CUL3: variants seen among roughly 807,000 people sequenced by gnomAD.
CUL3 encodes cullin-3.
CUL3 carries 19 observed loss-of-function variants against 89.1 expected under a neutral mutation model. The ratio of observed to expected loss-of-function variants is 0.21; its 90% CI spans 0.15 to 0.31. The LOEUF (loss-of-function observed/expected upper bound fraction) is 0.31, where lower values mean the gene tolerates loss of function less well. Among genes scored for constraint, CUL3 ranks in the 10% least tolerant of loss-of-function variants. CUL3 has a pLI of 1.00. For synonymous variants in CUL3, 351 were observed against 308.4 expected (o/e 1.14, Z -1.45); for missense variants, 469 against 942.3 (o/e 0.50, Z 6.58).
rs1691086047 is a variant in CUL3 at position 224,470,458 on chromosome 2, CGTA to C, written c.*3784_*3786del. 3 of 230,004 alleles carry C rather than the reference CGTA, an allele frequency of 1.3e-5. No homozygotes were observed. The South Asian group carries it at 5.4e-4, about 42-fold the overall frequency. 14.2% of individuals were successfully genotyped at this position (230,004 alleles called of 1,614,324 possible). A position where few individuals can be genotyped will look rare whatever the true frequency, so the allele number is the denominator to read the frequency against. ...TAGTTGTTTTTCTCCTGAGAGCTGG[CGTA>C]ATGGCCAATCTCTGTATCATTACCT... is the stretch of plus-strand genomic sequence containing the variant. On this transcript the variant is annotated 3_prime_UTR_variant, in exon 16 of 16. Transcript: ENST00000264414.
Position 224,513,650 on chromosome 2 carries a change from A to C in CUL3, c.540-12T>G. On this transcript the variant is annotated splice_polypyrimidine_tract_variant and intron_variant, in intron 4 of 15. Coordinates refer to ENST00000264414, the MANE Select transcript of CUL3 (RefSeq NM_003590.5). ...TTCTTATTGCGCCTCTGTCGAAAAA[A>C]GTTATTATCACTTGATAATTAAATT... The C allele has an allele frequency of 6.6e-7, 1 of 1,512,938 alleles. No individual in the cohort carries two copies. The highest frequency in any genetic ancestry group is 8.9e-7 in the Non-Finnish European group (1 of 1,120,226). The allele number at this position is 1,512,938 out of a possible 1,614,324, so 93.7% of individuals were successfully genotyped here.
At chr2:224,516,849 G>A (rs12991137) in intron 3 of CUL3, among the ~76,000 whole-genome samples, 27,831 of 151,532 alleles carry the variant, frequency 0.18, 2,869 homozygotes, top group South Asian at 0.27. Flanking sequence ...GTTTCACCAT[G>A]TGGGCCAGGA....
intron 2 of CUL3, among the ~76,000 whole-genome samples, 162 bp downstream of exon 2, chr2:224,557,497 G>T (rs1694749243): frequency 7.0e-6 from 1 of 143,130 alleles, no homozygotes; most frequent in African/African-American, 2.6e-5. Context: ...CGATTTAGCT[G>T]ATTATAAATT....
intron 1 of CUL3, among the ~76,000 whole-genome samples, chr2:224,558,122 T>C (rs1694781494): frequency 6.6e-6 from 1 of 152,146 alleles, no homozygotes. Context: ...CTCTTCACTT[T>C]AAATAAAATC....
intron 2 of CUL3, chr2:224,556,193 G>A (rs1450016724): frequency 1.3e-5 from 2 of 152,102 alleles, no homozygotes; most frequent in Admixed American, 6.5e-5. Context: ...ATCAATGGAT[G>A]CTAAAACCAT....
At chr2:224,527,405 C>T (rs1693520703) in intron 3 of CUL3, among the ~76,000 whole-genome samples, 1 of 152,136 alleles carries the variant, frequency 6.6e-6, no homozygotes, top group Non-Finnish European at 1.5e-5. Context: ...TATCTTCTGG[C>T]CTCCAAAAAG....
intron 3 of CUL3, among the ~76,000 whole-genome samples, chr2:224,529,939 T>TA (rs1283864229): frequency 6.6e-6 from 1 of 152,138 alleles, no homozygotes. Context: ...ACCTCCTTGT[T>TA]AAGAGTAAAA....
chr2:224,572,733 A>G (rs1695210576), intron 1 of CUL3, among the ~76,000 whole-genome samples: 1 of 151,798 alleles, frequency 6.6e-6, no homozygotes. Flanking sequence ...AAGGAGGCTG[A>G]CAGAGAGTTT....
chr2:224,585,023 TC>T lies in CUL3; in HGVS notation c.-15del. On this transcript the variant is annotated 5_prime_UTR_variant, in exon 1 of 16. Transcript: ENST00000264414. ...CAGATTCGACATGGTGCTCGTCCCCTCCCCGGCGGCGGCTTCAGGTCGCGCT... is the reference window on the plus strand; with the variant it reads ...CAGATTCGACATGGTGCTCGTCCCCTCCCGGCGGCGGCTTCAGGTCGCGCT... 4 of 1,489,890 alleles carry T rather than the reference TC, an allele frequency of 2.7e-6. No homozygotes were observed. Among genetic ancestry groups the T allele is most frequent in the Admixed American group, 1.9e-5 (1 of 51,820 alleles). 92.3% of individuals were successfully genotyped at this position (1,489,890 alleles called of 1,614,324 possible). A position where few individuals can be genotyped will look rare whatever the true frequency, so the allele number is the denominator to read the frequency against.
rs567732119 is a variant in CUL3 at position 224,470,397 on chromosome 2, A to T, written c.*3848T>A. ...TAAATGACACGCTTACAAATTTGCCATTTCTAAAATTAAATGCACGGGTTT... is the reference window on the plus strand; with the variant it reads ...TAAATGACACGCTTACAAATTTGCCTTTTCTAAAATTAAATGCACGGGTTT... On this transcript the variant is annotated 3_prime_UTR_variant, in exon 16 of 16. Transcript: ENST00000264414. The T allele has an allele frequency of 2.7e-4, 62 of 229,830 alleles. No individual in the cohort carries two copies. The highest frequency in any genetic ancestry group is 1.2e-3 in the African/African-American group (55 of 45,260). The allele number at this position is 229,830 out of a possible 1,614,324, so 14.2% of individuals were successfully genotyped here.
intron 15 of CUL3, chr2:224,474,623 C>G (rs1691250597): frequency 2.5e-6 from 1 of 403,166 alleles, no homozygotes; most frequent in Non-Finnish European, 4.5e-6. Context: ...GTTGGAATTA[C>G]AGTAGTGTGA....
chr2:224,509,580 AG>A (rs542651794), intron 6 of CUL3, among the ~76,000 whole-genome samples: 80 of 152,322 alleles, frequency 5.3e-4, no homozygotes, highest in African/African-American at 1.8e-3. Context: ...TGGAAACCTA[AG>A]GTACTAAATA....
chr2:224,495,050 C>G (rs1014945766), intron 13 of CUL3: 1 of 150,288 alleles, frequency 6.7e-6, no homozygotes, highest in Non-Finnish European at 1.5e-5. Context: ...GAAAACAACT[C>G]AAAAAAGATA....
chr2:224,522,087 G>C (rs903641271), intron 3 of CUL3, among the ~76,000 whole-genome samples: 1 of 129,648 alleles, frequency 7.7e-6, no homozygotes, highest in African/African-American at 3.0e-5. Context: ...AAAAAAAAAA[G>C]AGGCAAATAA....
intron 2 of CUL3, among the ~76,000 whole-genome samples, chr2:224,541,302 A>G (rs186132313): frequency 4.6e-5 from 7 of 152,332 alleles, no homozygotes; most frequent in Admixed American, 2.6e-4. Context: ...CACTTCACCA[A>G]AGAGGATATA....
In CUL3 at chr2:224,478,257, A is replaced by G. The variant is rs1691396621; in HGVS notation, c.2118T>C (p.Ala706=). ...TTCTAGATTTCATTATCCGCACTAT[A>G]GCAGCTTCTATCTCATGTTTTCTGT... ...DDDRKHEIEA[A]IVRIMKSRKK... Residue 706 remains alanine (A), a synonymous_variant, in exon 15 of 16, where the codon GCT becomes GCC. Transcript: ENST00000264414. 1 of 1,613,770 alleles carries G rather than the reference A, an allele frequency of 6.2e-7. No homozygotes were observed. Among genetic ancestry groups the G allele is most frequent in the Non-Finnish European group, 8.5e-7 (1 of 1,179,790 alleles).
chr2:224,569,665 G>T (rs1161184315), intron 1 of CUL3: 58 of 1,066,934 alleles, frequency 5.4e-5, no homozygotes, highest in Non-Finnish European at 6.1e-5. Context: ...AATTTGAAAG[G>T]ATGTCAGTCT....
At chr2:224,507,122 CAT>C (rs1692631721) in intron 6 of CUL3, 119 bp from the exon 7 acceptor site, 1 of 758,526 alleles carries the variant, frequency 1.3e-6, no homozygotes, top group East Asian at 2.9e-5. Context: ...TTGCTGACCA[CAT>C]GACTATTAAA....
At chr2:224,523,399 A>AC (rs1553526461) in intron 3 of CUL3, among the ~76,000 whole-genome samples, 2,100 of 150,866 alleles carry the variant, frequency 0.014, 54 homozygotes, top group African/African-American at 0.049. Flanking sequence ...AAAAAAAAAA[A>AC]CACAAAACAC....
Sources: allele counts gnomAD v4.1 joint callset (sites outside exome capture counted in the v4.1 genomes callset), GRCh38; gene constraint gnomAD v4.1.1; transcripts MANE v1.5; gene names NCBI Gene and HGNC (gene_info 2026-07-23, HGNC 2026-07-21).